Variants in RAB3D observed in about 807,000 individuals in gnomAD.
RAB3D encodes the protein ras-related protein Rab-3D.
In RAB3D, 17 loss-of-function variants were observed where a neutral mutation model predicts 19.3. That is an observed-to-expected ratio of 0.88 (90% CI 0.60 to 1.32). The LOEUF (loss-of-function observed/expected upper bound fraction) is 1.32. Among genes scored for constraint, RAB3D ranks in the 40% most tolerant of loss-of-function variants. RAB3D has a pLI of 0.00. For missense variants in RAB3D, 223 were observed against 299.1 expected (o/e 0.75, Z 1.88); for synonymous variants, 103 against 119.9 (o/e 0.86, Z 0.92).
intron 4 of RAB3D, among the ~76,000 whole-genome samples, chr19:11,327,932 G>C (rs1398911206): frequency 6.6e-6 from 1 of 152,038 alleles, no homozygotes; most frequent in Non-Finnish European, 1.5e-5. Flanking sequence ...AAAGTATTAA[G>C]ACAGCCTATA....
At chr19:11,333,080 CTTTTT>C (rs754729605) in intron 4 of RAB3D, among the ~76,000 whole-genome samples, 1 of 137,180 alleles carries the variant, frequency 7.3e-6, no homozygotes, top group Admixed American at 7.4e-5. Flanking sequence ...AGAAATATTT[CTTTTT>C]TTTTTTTTTT....
Position 11,322,955 on chromosome 19 carries a change from T to A in RAB3D, c.*2443A>T, listed in dbSNP as rs1319854796. The stretch of plus-strand genomic sequence containing the variant: ...AAGGTGAAACCGTCGCTACTAAAAA[T>A]GCAAAACTTAGATGGGCGTGGTGGC... On this transcript the variant is annotated 3_prime_UTR_variant, in exon 5 of 5. Coordinates refer to ENST00000222120, the MANE Select transcript of RAB3D (RefSeq NM_004283.4). 6.6e-6 allele frequency: 1 copy of A among 152,030 alleles called. No homozygotes were observed. The highest frequency in any genetic ancestry group is 1.9e-4 in the East Asian group (1 of 5,190). 9.4% of individuals were successfully genotyped at this position (152,030 alleles called of 1,614,324 possible). A position where few individuals can be genotyped will look rare whatever the true frequency, so the allele number is the denominator to read the frequency against.
intron 4 of RAB3D, among the ~76,000 whole-genome samples, chr19:11,329,162 T>C (rs2147967612): frequency 6.6e-6 from 1 of 151,864 alleles, no homozygotes; most frequent in Admixed American, 6.6e-5. Context: ...CAAGTGATCC[T>C]CTGCCTTGAC....
chr19:11,328,072 G>T (rs954311989), intron 4 of RAB3D, among the ~76,000 whole-genome samples: 1 of 151,808 alleles, frequency 6.6e-6, no homozygotes, highest in Non-Finnish European at 1.5e-5. Context: ...GGTGGTTCAC[G>T]CCTGTAATAC....
intron 4 of RAB3D, among the ~76,000 whole-genome samples, chr19:11,334,880 A>ACC (rs2080846836): frequency 6.6e-6 from 1 of 152,154 alleles, no homozygotes; most frequent in African/African-American, 2.4e-5. Context: ...CCAATACGGC[A>ACC]CCACTGCACT....
At position 11,324,039 on chromosome 19, in the gene RAB3D, A is replaced by C. The variant is rs530552958; in HGVS notation, c.*1359T>G. 5 of 152,294 alleles carry C rather than the reference A, an allele frequency of 3.3e-5. No homozygotes were observed. The highest frequency in any genetic ancestry group is 9.6e-5 in the African/African-American group (4 of 41,506). 9.4% of individuals were successfully genotyped at this position (152,294 alleles called of 1,614,324 possible). ...ACCCCAGCTTCAGAGACTCCCCGGC[A>C]CTGATCACAGTCCATCCCCCCCATT... On this transcript the variant is annotated 3_prime_UTR_variant, in exon 5 of 5. Coordinates refer to ENST00000222120, the MANE Select transcript of RAB3D (RefSeq NM_004283.4).
chr19:11,335,421 G>A (rs764649357), intron 4 of RAB3D, 26 bp downstream of exon 4: 4 of 1,613,028 alleles, frequency 2.5e-6, no homozygotes, highest in South Asian at 1.1e-5. Flanking sequence ...GGAGACCAGG[G>A]CCTGTGGCCC....
intron 4 of RAB3D, among the ~76,000 whole-genome samples, chr19:11,329,983 G>A (rs1304557774): frequency 6.6e-6 from 1 of 152,050 alleles, no homozygotes; most frequent in Non-Finnish European, 1.5e-5. Flanking sequence ...AACCTGGCCT[G>A]TACTCCAATA....
chr19:11,333,786 C>G (rs1351639336), intron 4 of RAB3D, among the ~76,000 whole-genome samples: 1 of 151,860 alleles, frequency 6.6e-6, no homozygotes, highest in Non-Finnish European at 1.5e-5. Flanking sequence ...CTCCACCTCT[C>G]AGGTTCAAGT....
rs574679234 is a variant in RAB3D, at chr19:11,325,276, G to A, written c.*122C>T. 5.6e-4 allele frequency: 371 copies of A among 660,784 alleles called. 8 individuals carry two copies. The East Asian group carries it at 8.6e-3, about 15-fold the overall frequency. 40.9% of individuals were successfully genotyped at this position (660,784 alleles called of 1,614,324 possible). The stretch of plus-strand genomic sequence containing the variant: ...TGAAGGAATGAGCCATGCAGGAGTC[G>A]GGGAGCAGTTGACAGGAGGGAAGGG... On this transcript the variant is annotated 3_prime_UTR_variant, in exon 5 of 5. Transcript: ENST00000222120.
rs1248318859 is a variant in RAB3D at position 11,324,499 on chromosome 19, TA to T, written c.*898del. On this transcript the variant is annotated 3_prime_UTR_variant, in exon 5 of 5. Transcript: ENST00000222120. ...AGAACTTGCTTAAAACACAACCAGCTAAACAGCTAAACAGGGCCTGGGAGGG... is the reference window on the plus strand; with the variant it reads ...AGAACTTGCTTAAAACACAACCAGCTAACAGCTAAACAGGGCCTGGGAGGG... 1 of 99,148 alleles carries T rather than the reference TA, an allele frequency of 1.0e-5. No homozygotes were observed. The highest frequency in any genetic ancestry group is 1.1e-4 in the African/African-American group (1 of 9,084). The allele number at this position is 99,148 out of a possible 1,614,324, so 6.1% of individuals were successfully genotyped here.
chr19:11,330,504 C>T (rs1016860473), intron 4 of RAB3D, among the ~76,000 whole-genome samples: 2 of 152,176 alleles, frequency 1.3e-5, no homozygotes, highest in African/African-American at 4.8e-5. Context: ...TGCTTAAGCC[C>T]AGGAGTTCAA....
At chr19:11,336,723 C>T (rs747454254) in intron 2 of RAB3D, among the ~76,000 whole-genome samples, 4 of 151,750 alleles carry the variant, frequency 2.6e-5, no homozygotes, top group African/African-American at 9.7e-5. Context: ...GTAATCCCAG[C>T]GCTTTGGGAG....
Position 11,323,812 on chromosome 19 carries a change from G to C in RAB3D, c.*1586C>G, listed in dbSNP as rs1260391715. ...ACCTCTGAAACAGAGTCAGGGACGT[G>C]GGAACATAAAACATCCACTTAGCCA... On this transcript the variant is annotated 3_prime_UTR_variant, in exon 5 of 5. Transcript: ENST00000222120. The C allele has an allele frequency of 6.6e-6, 1 of 152,212 alleles. No homozygotes were observed. The highest frequency in any genetic ancestry group is 2.4e-5 in the African/African-American group (1 of 41,426). The allele number at this position is 152,212 out of a possible 1,614,324, so 9.4% of individuals were successfully genotyped here. A position where few individuals can be genotyped will look rare whatever the true frequency, so the allele number is the denominator to read the frequency against.
Position 11,326,651 on chromosome 19 carries a change from C to T in RAB3D, c.473-1066G>A, listed in dbSNP as rs1568299371. ...AACGGTCTCTCTCTATTGCCCAGGC[C>T]GGGGTGTAGTGGTATGAACATGGCT... On this transcript the variant is annotated intron_variant, in intron 4 of 4. Coordinates refer to ENST00000222120, the MANE Select transcript of RAB3D (RefSeq NM_004283.4). The T allele has an allele frequency of 1.3e-4, 70 of 540,294 alleles. No homozygotes were observed. In the East Asian group the frequency reaches 2.1e-3, roughly 16 times the overall value. The allele number at this position is 540,294 out of a possible 1,614,324, so 33.5% of individuals were successfully genotyped here. A position where few individuals can be genotyped will look rare whatever the true frequency, so the allele number is the denominator to read the frequency against.
rs1389500048 is a variant in RAB3D at position 11,322,225 on chromosome 19, G to A, written c.*3173C>T. The A allele has an allele frequency of 6.6e-6, 1 of 152,104 alleles. No individual in the cohort carries two copies. The highest frequency in any genetic ancestry group is 1.5e-5 in the Non-Finnish European group (1 of 68,026). The allele number at this position is 152,104 out of a possible 1,614,324, so 9.4% of individuals were successfully genotyped here. On this transcript the variant is annotated 3_prime_UTR_variant, in exon 5 of 5. Transcript: ENST00000222120. ...TTTCAGAATCATCAGGGAGGAGCCG[G>A]TAGCAGAATTATCCCGTTAACACTG...
At chr19:11,330,828 G>A (rs1208605788) in intron 4 of RAB3D, among the ~76,000 whole-genome samples, 2 of 151,916 alleles carry the variant, frequency 1.3e-5, no homozygotes, top group Admixed American at 6.6e-5. Flanking sequence ...GGGATTACAG[G>A]CATGAGCCAC....
intron 4 of RAB3D, among the ~76,000 whole-genome samples, chr19:11,331,003 G>A (rs1381603145): frequency 2.7e-5 from 4 of 148,250 alleles, no homozygotes; most frequent in Non-Finnish European, 5.9e-5. Flanking sequence ...GCACCAGAGA[G>A]AGACCTTGCC....
rs141951114 is a variant in RAB3D at position 11,335,462 on chromosome 19, G to C, written c.457C>G (p.Leu153Val). Reference protein sequence around the residue: ...RVVPAEDGRRLADDLGFEFFE... With the variant: ...RVVPAEDGRRVADDLGFEFFE... Reference sequence around the variant, plus strand: ...GGGCACTAACCAAGGTCGTCGGCGAGCCTCCGGCCATCCTCAGCAGGCACA... The same window carrying C: ...GGGCACTAACCAAGGTCGTCGGCGACCCTCCGGCCATCCTCAGCAGGCACA... Residue 153 changes from leucine to valine, a missense_variant, in exon 4 of 5, where the codon CTC becomes GTC. Physicochemically the swap from Leu to Val is conservative, Grantham distance 32. Transcript: ENST00000222120. 6.2e-7 allele frequency: 1 copy of C among 1,614,058 alleles called. No individual in the cohort carries two copies. Among genetic ancestry groups the C allele is most frequent in the African/African-American group, 1.3e-5 (1 of 74,920 alleles).
Sources: allele counts gnomAD v4.1 joint callset (sites outside exome capture counted in the v4.1 genomes callset), GRCh38; gene constraint gnomAD v4.1.1; transcripts MANE v1.5; gene names NCBI Gene and HGNC (gene_info 2026-07-23, HGNC 2026-07-21).